MYO1D: variants seen among roughly 807,000 people sequenced by gnomAD.
The protein encoded by MYO1D is myosin ID.
MYO1D carries 83 observed loss-of-function variants against 122.0 expected under a neutral mutation model. That is an observed-to-expected ratio of 0.68 (90% CI 0.57 to 0.82). The LOEUF is 0.82. MYO1D is among the 40% of genes least tolerant of loss of function. The probability of loss-of-function intolerance (pLI) is 0.00; values close to 1 mark genes in which losing one functional copy is unlikely to be tolerated. For missense variants in MYO1D, 1,157 were observed against 1,269.5 expected (o/e 0.91, Z 1.35); for synonymous variants, 464 against 446.9 (o/e 1.04, Z -0.48).
At position 32,749,064 on chromosome 17, in the gene MYO1D, A is replaced by G. The variant is rs997343989; in HGVS notation, c.1468-58T>C. The stretch of plus-strand genomic sequence containing the variant: ...CAGACATTTTTGCTTTCCTAAAAAT[A>G]TATTCCAGCTTAATATGAAATGATG... On this transcript the variant is annotated intron_variant, in intron 11 of 21. Transcript: ENST00000318217. 6.4e-6 allele frequency: 9 copies of G among 1,398,750 alleles called. No individual in the cohort carries two copies. In the African/African-American group the frequency reaches 1.1e-4, roughly 18 times the overall value. The allele number at this position is 1,398,750 out of a possible 1,614,324, so 86.6% of individuals were successfully genotyped here.
chr17:32,704,735 G>A (rs1009898602), intron 16 of MYO1D, among the ~76,000 whole-genome samples: 7 of 152,124 alleles, frequency 4.6e-5, no homozygotes, highest in South Asian at 2.1e-4. Flanking sequence ...AATTGGAAAC[G>A]CCTAAATGCC....
intron 1 of MYO1D, among the ~76,000 whole-genome samples, chr17:32,783,603 T>C (rs2090262484): frequency 6.6e-6 from 1 of 152,244 alleles, no homozygotes; most frequent in Non-Finnish European, 1.5e-5. Flanking sequence ...AATACAATGC[T>C]TCAGCAATTC....
At chr17:32,700,049 A>T (rs2089226170) in intron 16 of MYO1D, among the ~76,000 whole-genome samples, 1 of 152,212 alleles carries the variant, frequency 6.6e-6, no homozygotes, top group African/African-American at 2.4e-5. Flanking sequence ...CCTGGAAATG[A>T]TTTAAAAAAA....
rs117004214 is a variant in MYO1D, at chr17:32,573,097, G to A, written c.2864+31990C>T. Among the ~76,000 whole-genome samples the A allele has an allele frequency of 4.6e-5, 7 of 152,052 alleles. No homozygotes were observed. The South Asian group carries it at 6.2e-4, about 14-fold the overall frequency. ...AAAAAATACTGACTATTATCAACTC[G>A]GTGTTCTGTAGCCTTAATTAAGGCT... is the stretch of plus-strand genomic sequence containing the variant. On this transcript the variant is annotated intron_variant, in intron 21 of 21. Coordinates refer to ENST00000318217, the MANE Select transcript of MYO1D (RefSeq NM_015194.3).
intron 11 of MYO1D, among the ~76,000 whole-genome samples, chr17:32,752,719 GATATCGTCTT>G (rs1156367004): frequency 6.6e-6 from 1 of 152,108 alleles, no homozygotes; most frequent in Non-Finnish European, 1.5e-5. Context: ...ACCACAATAA[GATATCGTCTT>G]ATACCAGTCA....
chr17:32,759,090 C>T (rs1056197883), intron 10 of MYO1D, among the ~76,000 whole-genome samples: 6 of 152,070 alleles, frequency 3.9e-5, no homozygotes, highest in Non-Finnish European at 8.8e-5. Context: ...TTATATTATA[C>T]AACAGTTTCA....
chr17:32,516,510 A>C (rs1909896247), intron 21 of MYO1D, among the ~76,000 whole-genome samples: 1 of 152,206 alleles, frequency 6.6e-6, no homozygotes, highest in South Asian at 2.1e-4. Flanking sequence ...CCTGCCTGCC[A>C]TGAAGAGTCC....
intron 20 of MYO1D, among the ~76,000 whole-genome samples, chr17:32,623,088 A>G (rs985495427): frequency 1.0e-3 from 119 of 115,620 alleles, no homozygotes; most frequent in African/African-American, 4.1e-3. Flanking sequence ...GTGGCTCCCA[A>G]GAAGCAGAAT....
chr17:32,875,890 CTTTAATG>C (rs1430083005), intron 1 of MYO1D, among the ~76,000 whole-genome samples: 1 of 152,194 alleles, frequency 6.6e-6, no homozygotes. Flanking sequence ...ATTCCACTTA[CTTTAATG>C]TTTAAGTCAA....
At chr17:32,573,974 T>G (rs2087254521) in intron 21 of MYO1D, among the ~76,000 whole-genome samples, 1 of 152,224 alleles carries the variant, frequency 6.6e-6, no homozygotes, top group Admixed American at 6.5e-5. Flanking sequence ...TGCCTCAGCC[T>G]CCTGCGTAGC....
Position 32,748,938 on chromosome 17 carries a change from T to C in MYO1D, c.1536A>G (p.Val512=). 5.0e-6 allele frequency: 8 copies of C among 1,612,864 alleles called. No homozygotes were observed. Among genetic ancestry groups the C allele is most frequent in the Non-Finnish European group, 6.8e-6 (8 of 1,178,854 alleles). Residue 512 remains valine (V), a splice_region_variant and synonymous_variant, in exon 12 of 22, where the codon GTA becomes GTG. Transcript: ENST00000318217. ...AGGTACCAAGGTAAGATACTCACACTACATCGCCTGCATAATGTCGAATTC... is the reference window on the plus strand; with the variant it reads ...AGGTACCAAGGTAAGATACTCACACCACATCGCCTGCATAATGTCGAATTC... The part of the protein sequence containing the change: ...DFRIRHYAGD[V]VYSVIGFIDK...
rs557657235 is a variant in MYO1D, at chr17:32,492,739, T to C, written c.*2020A>G. On this transcript the variant is annotated 3_prime_UTR_variant, in exon 22 of 22. Coordinates refer to ENST00000318217, the MANE Select transcript of MYO1D (RefSeq NM_015194.3). Reference sequence around the variant, plus strand: ...ATTTCATTACATCAAGAGAACCCCCTCATTGTCTACAATCATGCCCGCTTC... The same window carrying C: ...ATTTCATTACATCAAGAGAACCCCCCCATTGTCTACAATCATGCCCGCTTC... The C allele has an allele frequency of 6.6e-6, 1 of 152,648 alleles. No homozygotes were observed. The highest frequency in any genetic ancestry group is 2.4e-5 in the African/African-American group (1 of 41,470). The allele number at this position is 152,648 out of a possible 1,614,324, so 9.5% of individuals were successfully genotyped here.
At chr17:32,657,855 T>C (rs1012839463) in intron 17 of MYO1D, among the ~76,000 whole-genome samples, 2 of 152,250 alleles carry the variant, frequency 1.3e-5, no homozygotes, top group African/African-American at 4.8e-5. Context: ...TAGTGCAATC[T>C]AATCAAAATC....
chr17:32,784,545 C>A (rs1485006315), intron 1 of MYO1D, among the ~76,000 whole-genome samples: 3 of 151,666 alleles, frequency 2.0e-5, no homozygotes, highest in Non-Finnish European at 2.9e-5. Context: ...TTAAAAGGGA[C>A]ATATATTTTC....
At chr17:32,563,810 C>T (rs1363580027) in intron 21 of MYO1D, among the ~76,000 whole-genome samples, 2 of 152,230 alleles carry the variant, frequency 1.3e-5, no homozygotes, top group African/African-American at 4.8e-5. Flanking sequence ...GGCATTCAAT[C>T]ACACCTCAAA....
intron 16 of MYO1D, among the ~76,000 whole-genome samples, chr17:32,682,983 CTTCAT>C: frequency 9.0e-6 from 1 of 111,542 alleles, no homozygotes; most frequent in Non-Finnish European, 1.8e-5. Context: ...TCCCTTCTCG[CTTCAT>C]TTCATTCATT....
intron 21 of MYO1D, among the ~76,000 whole-genome samples, chr17:32,553,114 A>AG (rs398030670): frequency 6.6e-6 from 1 of 151,426 alleles, no homozygotes; most frequent in Non-Finnish European, 1.5e-5. Context: ...AAAAAAAAAA[A>AG]CAAAAAAACC....
At chr17:32,733,290 A>G (rs1364548226) in intron 14 of MYO1D, among the ~76,000 whole-genome samples, 1 of 152,222 alleles carries the variant, frequency 6.6e-6, no homozygotes, top group African/African-American at 2.4e-5. Context: ...CAGTATGAAG[A>G]TAGTTTCCTA....
At chr17:32,648,425 A>G (rs1416443643) in intron 19 of MYO1D, among the ~76,000 whole-genome samples, 2 of 152,190 alleles carry the variant, frequency 1.3e-5, no homozygotes, top group Non-Finnish European at 2.9e-5. Context: ...ATATTTATTT[A>G]GTCTTAGTCC....
Sources: gnomAD v4.1 joint callset for allele counts (sites outside exome capture counted in the v4.1 genomes callset) on GRCh38, gnomAD v4.1.1 for gene constraint, MANE v1.5 for transcripts, NCBI Gene and HGNC (gene_info 2026-07-23, HGNC 2026-07-21) for gene names.